The following TBCE variants were observed in gnomAD, a reference collection of about 807,000 sequenced individuals.
The protein encoded by TBCE is tubulin-specific chaperone E.
A neutral mutation model predicts 77.0 loss-of-function variants in TBCE; 53 were observed. The ratio of observed to expected loss-of-function variants is 0.69; its 90% confidence interval spans 0.55 to 0.87. The LOEUF (loss-of-function observed/expected upper bound fraction) is 0.87. Ranked by LOEUF, TBCE falls within the 40% of genes least tolerant of loss-of-function variation. TBCE has a pLI of 0.00. For missense variants in TBCE, 624 were observed against 622.4 expected (o/e 1.00, Z -0.03); for synonymous variants, 235 against 241.3 (o/e 0.97, Z 0.24).
At chr1:235,446,495 A>G (rs947722699) in intron 15 of TBCE, among the ~76,000 whole-genome samples, 2 of 152,072 alleles carry the variant, frequency 1.3e-5, no homozygotes, top group African/African-American at 4.8e-5. Flanking sequence ...ATACATCCTT[A>G]TATGAACACA....
Position 235,450,361 on chromosome 1 carries a change from C to T in TBCE, c.*1599C>T. ...CTGTCCTGTTGAGAAACAACCAAAG[C>T]CGATCTGAGAGTGGTGAAACTGTTT... On this transcript the variant is annotated 3_prime_UTR_variant, in exon 17 of 17. Transcript: ENST00000642610. 2 of 1,612,464 alleles carry T rather than the reference C, an allele frequency of 1.2e-6. No homozygotes were observed. The highest frequency in any genetic ancestry group is 1.7e-6 in the Non-Finnish European group (2 of 1,178,792).
At chr1:235,385,195 T>C (rs1677921320) in intron 2 of TBCE, among the ~76,000 whole-genome samples, 2 of 152,208 alleles carry the variant, frequency 1.3e-5, no homozygotes, top group African/African-American at 4.8e-5. Flanking sequence ...TTTGTTATAA[T>C]GTCTGATCTT....
chr1:235,378,872 A>C (rs1277251370), intron 1 of TBCE, among the ~76,000 whole-genome samples: 3 of 152,122 alleles, frequency 2.0e-5, no homozygotes, highest in Non-Finnish European at 2.9e-5. Flanking sequence ...AGAAAAGAAA[A>C]AAAGAAAGTG....
chr1:235,442,580 C>T (rs1681967476), intron 14 of TBCE, among the ~76,000 whole-genome samples: 1 of 152,010 alleles, frequency 6.6e-6, no homozygotes, highest in South Asian at 2.1e-4. Context: ...GAGTTGTGAA[C>T]CAAATTGTGA....
intron 2 of TBCE, among the ~76,000 whole-genome samples, chr1:235,386,668 C>T (rs1236305848): frequency 1.3e-5 from 2 of 152,118 alleles, no homozygotes; most frequent in African/African-American, 4.8e-5. Flanking sequence ...TTAAGCACTT[C>T]TCTGTATTGG....
Position 235,418,186 on chromosome 1 carries a change from C to T in TBCE, c.372-1287C>T, listed in dbSNP as rs549904676. Reference sequence around the variant, plus strand: ...GAATTTCCTTCCTTTTTTTTAAGTTCGCACAATATTGCATTGTATATGTGT... The same window carrying T: ...GAATTTCCTTCCTTTTTTTTAAGTTTGCACAATATTGCATTGTATATGTGT... On this transcript the variant is annotated intron_variant, in intron 4 of 16. Transcript: ENST00000642610. 7.7e-4 allele frequency among the ~76,000 whole-genome samples: 117 copies of T among 152,164 alleles called. 1 individual carries two copies. The highest frequency in any genetic ancestry group is 2.7e-3 in the African/African-American group (111 of 41,528).
chr1:235,405,320 CTTT>C lies in TBCE; in HGVS notation c.185+3750_185+3752del, dbSNP rs34897905. Among the ~76,000 whole-genome samples, 1,167 of 140,962 alleles carry C rather than the reference CTTT, an allele frequency of 8.3e-3. 7 individuals carry two copies. Among genetic ancestry groups the C allele is most frequent in the Middle Eastern group, 0.026 (7 of 272 alleles). The allele number at this position is 140,962 out of a possible 152,430, so 92.5% of individuals were successfully genotyped here. On this transcript the variant is annotated intron_variant, in intron 3 of 16. Coordinates refer to ENST00000642610, the MANE Select transcript of TBCE (RefSeq NM_003193.5). The stretch of plus-strand genomic sequence containing the variant: ...CTGCCTGAGGGTAGTTTACAATTAA[CTTT>C]TTTTTTTTTTTTTTTTAATAAGTAG...
At chr1:235,401,436 T>C (rs910128876) in intron 2 of TBCE, 67 bp from the exon 3 acceptor site, 2 of 1,390,854 alleles carry the variant, frequency 1.4e-6, no homozygotes. Context: ...TGGTATTTGC[T>C]TGCAGAAAAC....
chr1:235,447,625 C>A (rs770367698), intron 15 of TBCE, among the ~76,000 whole-genome samples: 1 of 152,126 alleles, frequency 6.6e-6, no homozygotes, highest in Non-Finnish European at 1.5e-5. Flanking sequence ...TGAGAGATGT[C>A]CTCAGGATAC....
intron 4 of TBCE, 92 bp from the exon 5 acceptor site, chr1:235,419,381 C>T (rs1680268114): frequency 1.3e-6 from 2 of 1,580,146 alleles, no homozygotes; most frequent in Non-Finnish European, 1.7e-6. Flanking sequence ...TTTTGGTACC[C>T]TTTTATATGT....
At position 235,432,975 on chromosome 1, in the gene TBCE, C is replaced by T. The variant is rs745569430; in HGVS notation, c.661-1229C>T. ...ATGCGCAGTGTGGTGGCAGCAGGCA[C>T]GGTCTCGACATGCAGAAAGACGCCA... On this transcript the variant is annotated intron_variant, in intron 7 of 16. Transcript: ENST00000642610. The T allele has an allele frequency of 1.2e-5, 18 of 1,478,438 alleles. No individual in the cohort carries two copies. The East Asian group carries it at 1.3e-4, about 11-fold the overall frequency. The allele number at this position is 1,478,438 out of a possible 1,614,324, so 91.6% of individuals were successfully genotyped here. A position where few individuals can be genotyped will look rare whatever the true frequency, so the allele number is the denominator to read the frequency against.
rs1682711886 is a variant in TBCE at position 235,449,063 on chromosome 1, T to C, written c.*301T>C. The C allele has an allele frequency of 3.0e-6, 1 of 333,454 alleles. No individual in the cohort carries two copies. The highest frequency in any genetic ancestry group is 2.6e-5 in the South Asian group (1 of 37,886). 20.7% of individuals were successfully genotyped at this position (333,454 alleles called of 1,614,324 possible). A position where few individuals can be genotyped will look rare whatever the true frequency, so the allele number is the denominator to read the frequency against. On this transcript the variant is annotated 3_prime_UTR_variant, in exon 17 of 17. Transcript: ENST00000642610. ...TTAAATAGAAAGAAACTAGCTAGCC[T>C]AATAAAATCTGAACACAGTTAATAT...
intron 7 of TBCE, among the ~76,000 whole-genome samples, chr1:235,432,088 A>G (rs939200512): frequency 6.6e-5 from 10 of 151,954 alleles, no homozygotes; most frequent in Non-Finnish European, 1.3e-4. Flanking sequence ...GGTTCAAGCA[A>G]TTCTCCAGCC....
At position 235,414,009 on chromosome 1, in the gene TBCE, C is replaced by T. The variant is rs1679966848; in HGVS notation, c.186-424C>T. ...AGCTGGGACTACAGGTGTGCACCAC[C>T]ACGCTGGACTAATTTTTGTATTTTT... On this transcript the variant is annotated intron_variant, in intron 3 of 16. Transcript: ENST00000642610. The T allele has an allele frequency of 2.4e-5, 6 of 250,152 alleles. No individual in the cohort carries two copies. The South Asian group carries it at 2.7e-4, about 11-fold the overall frequency. 15.5% of individuals were successfully genotyped at this position (250,152 alleles called of 1,614,324 possible).
chr1:235,419,864 G>A (rs1680300450), intron 5 of TBCE, among the ~76,000 whole-genome samples: 1 of 151,692 alleles, frequency 6.6e-6, no homozygotes, highest in Admixed American at 6.6e-5. Context: ...GAGGCAGGTG[G>A]ATCACGAGGT....
At chr1:235,384,452 CTT>C (rs1344854625) in intron 2 of TBCE, among the ~76,000 whole-genome samples, 2 of 133,910 alleles carry the variant, frequency 1.5e-5, no homozygotes, top group Admixed American at 7.7e-5. Flanking sequence ...GTCCTGGACT[CTT>C]TTTGGTTGGT....
intron 2 of TBCE, among the ~76,000 whole-genome samples, chr1:235,383,299 G>T (rs902069880): frequency 3.3e-5 from 5 of 152,170 alleles, no homozygotes; most frequent in African/African-American, 1.2e-4. Context: ...GGCGATGCGG[G>T]CTCTTTTTTG....
rs113797624 is a variant in TBCE, at chr1:235,450,604, T to C, written c.*1842T>C. 56 of 405,772 alleles carry C rather than the reference T, an allele frequency of 1.4e-4. No individual in the cohort carries two copies. The highest frequency in any genetic ancestry group is 6.8e-4 in the African/African-American group (34 of 49,952). 25.1% of individuals were successfully genotyped at this position (405,772 alleles called of 1,614,324 possible). A position where few individuals can be genotyped will look rare whatever the true frequency, so the allele number is the denominator to read the frequency against. ...TTAGTCAACAAATGCCATTCCGTAA[T>C]GAACGATTTTAGAAACCACAAGTGA... On this transcript the variant is annotated 3_prime_UTR_variant, in exon 17 of 17. Coordinates refer to ENST00000642610, the MANE Select transcript of TBCE (RefSeq NM_003193.5).
chr1:235,438,552 T>TA lies in TBCE; in HGVS notation c.1117-206dup, dbSNP rs10667524. Reference sequence around the variant, plus strand: ...GACACAGCGAGACTCCATCTCAAATTAAAAAAAAAAAGAGTGTAAAACTGA... The same window carrying TA: ...GACACAGCGAGACTCCATCTCAAATTAAAAAAAAAAAAGAGTGTAAAACTGA... On this transcript the variant is annotated intron_variant, in intron 12 of 16. Coordinates refer to ENST00000642610, the MANE Select transcript of TBCE (RefSeq NM_003193.5). Among the ~76,000 whole-genome samples the TA allele has an allele frequency of 1.6e-3, 238 of 146,136 alleles. 2 individuals are homozygous for TA. The highest frequency in any genetic ancestry group is 3.5e-3 in the Middle Eastern group (1 of 288).
Sources: gnomAD v4.1 joint callset for allele counts (sites outside exome capture counted in the v4.1 genomes callset) on GRCh38, gnomAD v4.1.1 for gene constraint, MANE v1.5 for transcripts, NCBI Gene and HGNC (gene_info 2026-07-23, HGNC 2026-07-21) for gene names.